Variants in CPXM2 observed in about 807,000 individuals in gnomAD.
CPXM2 encodes the protein inactive carboxypeptidase-like protein X2.
CPXM2 carries 66 observed loss-of-function variants against 86.1 expected under a neutral mutation model. The observed-to-expected ratio is 0.77, with a 90% CI of 0.63 to 0.94. The LOEUF is 0.94. Among genes scored for constraint, CPXM2 ranks in the 40% least tolerant of loss-of-function variants. The pLI is 0.00. For missense variants in CPXM2, 948 were observed against 1,026.3 expected, an observed-to-expected ratio of 0.92 and a Z score of 1.04; for synonymous variants, 388 against 400.2, an observed-to-expected ratio of 0.97 and a Z score of 0.36.
At chr10:123,914,612 T>A (rs1945519784) in intron 2 of CPXM2, among the ~76,000 whole-genome samples, 1 of 152,146 alleles carries the variant, frequency 6.6e-6, no homozygotes, top group African/African-American at 2.4e-5. Flanking sequence ...ATTTTATACC[T>A]GGATGGTTAC....
chr10:123,760,146 A>T (rs567085003), intron 11 of CPXM2, among the ~76,000 whole-genome samples: 1 of 152,346 alleles, frequency 6.6e-6, no homozygotes, highest in South Asian at 2.1e-4. Context: ...TAGAAAAAAA[A>T]TCAAACGCTA....
rs778190214 is a variant in CPXM2 at position 123,768,521 on chromosome 10, A to G, written c.1299+5T>C. The G allele has an allele frequency of 1.5e-5, 24 of 1,610,004 alleles. No homozygotes were observed. In the East Asian group the frequency reaches 5.4e-4, roughly 36 times the overall value. On this transcript the variant is annotated splice_donor_5th_base_variant and intron_variant, in intron 9 of 13. Coordinates refer to ENST00000241305, the MANE Select transcript of CPXM2 (RefSeq NM_198148.3). ...CTATTGGGTGAGATGGGCCAGGGCC[A>G]TTACCCCTTCGTAGGCCTTCTCGTA...
rs772692494 is a variant in CPXM2, at chr10:123,891,712, C to T, written c.-53G>A. The stretch of plus-strand genomic sequence containing the variant: ...GGTCACGGTCACCGGGGGCGCCGGG[C>T]GGGCTGCGGGCGCAGAAGCTGGCGC... On this transcript the variant is annotated 5_prime_UTR_variant, in exon 1 of 14. Transcript: ENST00000241305. The surrounding 1 kb of genome is among the most constrained non-coding windows in gnomAD (Gnocchi z 5.6). 998 of 1,265,864 alleles carry T rather than the reference C, an allele frequency of 7.9e-4. 2 individuals are homozygous for T. Among genetic ancestry groups the T allele is most frequent in the Non-Finnish European group, 9.4e-4 (933 of 995,226 alleles). The allele number at this position is 1,265,864 out of a possible 1,614,324, so 78.4% of individuals were successfully genotyped here.
At chr10:123,881,260 T>TCCCCTCCCCTCCCCTCCCCTCCCCTC (rs1945088174) in intron 1 of CPXM2, among the ~76,000 whole-genome samples, 1 of 45,592 alleles carries the variant, frequency 2.2e-5, no homozygotes, top group Non-Finnish European at 4.6e-5. Context: ...TCCCTTCCCT[T>TCCCCTCCCCTCCCCTCCCCTCCCCTC]CCCTTTACGC....
In CPXM2 at chr10:123,761,971, G is replaced by T; in HGVS notation, c.1678C>A (p.Arg560Ser). 3.7e-6 allele frequency: 6 copies of T among 1,613,810 alleles called. No homozygotes were observed. The highest frequency in any genetic ancestry group is 5.1e-6 in the Non-Finnish European group (6 of 1,179,824). ...WLAYSYASTHRLMTDARRRVC... is the reference protein window; with the variant it reads ...WLAYSYASTHSLMTDARRRVC... Reference sequence around the variant, plus strand: ...CTCCTCCGGGCGTCTGTCATGAGGCGGTGTGTGGAGGCATAGGAGTAGGCC... The same window carrying T: ...CTCCTCCGGGCGTCTGTCATGAGGCTGTGTGTGGAGGCATAGGAGTAGGCC... Residue 560 changes from arginine to serine, a missense_variant, in exon 11 of 14, where the codon CGC (arginine) becomes AGC (serine). Transcript: ENST00000241305.
chr10:123,790,646 C>T (rs577090192), intron 6 of CPXM2, among the ~76,000 whole-genome samples: 1 of 152,102 alleles, frequency 6.6e-6, no homozygotes, highest in Non-Finnish European at 1.5e-5. Flanking sequence ...CAGGGCCAAT[C>T]CCACCTCAGC....
intron 2 of CPXM2, among the ~76,000 whole-genome samples, chr10:123,932,619 C>T (rs1229312032): frequency 6.6e-6 from 1 of 152,240 alleles, no homozygotes; most frequent in Admixed American, 6.5e-5. Flanking sequence ...CATTCTCAAA[C>T]TCACTCAACA....
Position 123,780,202 on chromosome 10 carries a change from C to A in CPXM2, c.943G>T (p.Asp315Tyr), listed in dbSNP as rs1564765441. 2 of 1,611,160 alleles carry A rather than the reference C, an allele frequency of 1.2e-6. No individual in the cohort carries two copies. Among genetic ancestry groups the A allele is most frequent in the Non-Finnish European group, 1.7e-6 (2 of 1,177,354 alleles). ...RNEMTTTDDL[D>Y]FKHHNYKEMR... ...TCCTTATAATTGTGGTGCTTAAAATCCAGGTCATCAGTGGTGGTCATCTCG... is the reference window on the plus strand; with the variant it reads ...TCCTTATAATTGTGGTGCTTAAAATACAGGTCATCAGTGGTGGTCATCTCG... The change falls in exon 7 of 14, where the codon GAT becomes TAT. Residue 315 changes from aspartate to tyrosine, a missense_variant. Coordinates refer to ENST00000241305, the MANE Select transcript of CPXM2 (RefSeq NM_198148.3).
intron 4 of CPXM2, among the ~76,000 whole-genome samples, chr10:123,801,966 T>C (rs1241462271): frequency 6.6e-6 from 1 of 152,220 alleles, no homozygotes; most frequent in South Asian, 2.1e-4. Context: ...TAATTCAGTT[T>C]GTAATTTCAT....
At chr10:123,801,590 A>G (rs936645356) in intron 4 of CPXM2, among the ~76,000 whole-genome samples, 6 of 151,904 alleles carry the variant, frequency 3.9e-5, no homozygotes, top group Admixed American at 3.9e-4. Context: ...TCCCCCATCT[A>G]TCTTGCAGGC....
At chr10:123,751,070 C>T (rs962829206) in intron 13 of CPXM2, 46 of 985,058 alleles carry the variant, frequency 4.7e-5, no homozygotes, top group Middle Eastern at 5.2e-4. Flanking sequence ...GGCATTCATG[C>T]GTGCCAAGCC....
upstream of CPXM2, among the ~76,000 whole-genome samples, chr10:123,941,400 G>T (rs1945775700): frequency 6.6e-6 from 1 of 152,074 alleles, no homozygotes. Context: ...TTGTCACGTG[G>T]CCTCCGCCTC....
intron 2 of CPXM2, among the ~76,000 whole-genome samples, chr10:123,908,300 G>C (rs1237319104): frequency 1.3e-5 from 2 of 152,182 alleles, no homozygotes; most frequent in Non-Finnish European, 2.9e-5. Flanking sequence ...ACTAGGAAGT[G>C]AGAACACTTA....
intron 2 of CPXM2, among the ~76,000 whole-genome samples, chr10:123,938,084 C>G (rs947895658): frequency 1.3e-5 from 2 of 152,086 alleles, no homozygotes; most frequent in African/African-American, 4.8e-5. Flanking sequence ...TTCTCTCCCT[C>G]TTTCTGACTC....
At chr10:123,752,551 C>T (rs1846102258) in intron 13 of CPXM2, 1 of 985,414 alleles carries the variant, frequency 1.0e-6, no homozygotes, top group Non-Finnish European at 1.2e-6. Context: ...CAGGTCTGAA[C>T]CCCAGCCTCG....
chr10:123,923,331 A>G (rs1032617571), intron 2 of CPXM2, among the ~76,000 whole-genome samples: 2 of 152,142 alleles, frequency 1.3e-5, no homozygotes, highest in African/African-American at 2.4e-5. Flanking sequence ...CTGTAATCCC[A>G]GCACTTTGGG....
At chr10:123,813,311 A>T (rs911508267) in intron 4 of CPXM2, among the ~76,000 whole-genome samples, 1 of 152,230 alleles carries the variant, frequency 6.6e-6, no homozygotes, top group African/African-American at 2.4e-5. Context: ...AGCCAAGTTC[A>T]TCATCAAGGA....
chr10:123,918,293 A>G (rs1053158952), intron 2 of CPXM2, among the ~76,000 whole-genome samples: 4 of 152,210 alleles, frequency 2.6e-5, no homozygotes. Context: ...CTGAAATATT[A>G]TGCAGCCATG....
intron 6 of CPXM2, among the ~76,000 whole-genome samples, chr10:123,784,263 G>A (rs1325600087): frequency 1.3e-5 from 2 of 152,176 alleles, no homozygotes; most frequent in African/African-American, 4.8e-5. Context: ...GGCTGACATC[G>A]TACCACTGGC....
Sources: gnomAD v4.1 joint callset for allele counts (sites outside exome capture counted in the v4.1 genomes callset) on GRCh38, gnomAD v4.1.1 for gene constraint, Gnocchi (gnomAD v3.1) non-coding constraint, MANE v1.5 for transcripts, NCBI Gene and HGNC (gene_info 2026-07-23, HGNC 2026-07-21) for gene names.